The following COL25A1 variants were observed in gnomAD, a reference collection of about 807,000 sequenced individuals.
COL25A1 encodes the protein collagen alpha-1(XXV) chain.
Under a neutral mutation model 128.4 loss-of-function variants are expected in COL25A1, and 103 were observed. The observed-to-expected ratio is 0.80, with a 90% CI of 0.68 to 0.94. The LOEUF is 0.94. Among genes scored for constraint, COL25A1 ranks in the 40% least tolerant of loss-of-function variants. The probability of loss-of-function intolerance (pLI) is 0.00; values close to 1 mark genes in which losing one functional copy is unlikely to be tolerated. For missense variants in COL25A1, 745 were observed against 840.0 expected, an observed-to-expected ratio of 0.89 and a Z score of 1.40; for synonymous variants, 279 against 277.2, an observed-to-expected ratio of 1.01 and a Z score of -0.06.
intron 3 of COL25A1, among the ~76,000 whole-genome samples, chr4:109,154,767 G>A (rs1192811719): frequency 1.3e-5 from 2 of 152,210 alleles, no homozygotes; most frequent in South Asian, 2.1e-4. Context: ...TCCCATGCAT[G>A]TCAGCTGAAG....
chr4:108,941,283 A>T (rs1748056189), intron 9 of COL25A1, 83 bp downstream of exon 9: 1 of 1,112,738 alleles, frequency 9.0e-7, no homozygotes, highest in Non-Finnish European at 1.4e-6. Flanking sequence ...CCCACCCATA[A>T]GAGATAAATC....
At chr4:109,161,195 C>A (rs1183657604) in intron 3 of COL25A1, among the ~76,000 whole-genome samples, 2 of 152,072 alleles carry the variant, frequency 1.3e-5, no homozygotes, top group Non-Finnish European at 2.9e-5. Context: ...AAATTTTGCA[C>A]CCGGGAGATA....
chr4:109,227,480 A>T (rs956208149), intron 3 of COL25A1, among the ~76,000 whole-genome samples: 1 of 152,204 alleles, frequency 6.6e-6, no homozygotes, highest in South Asian at 2.1e-4. Context: ...CACTTGCTGC[A>T]CTTGTATTTG....
At chr4:109,093,457 G>GAA (rs564834752) in intron 3 of COL25A1, among the ~76,000 whole-genome samples, 40 of 69,408 alleles carry the variant, frequency 5.8e-4, no homozygotes, top group East Asian at 2.7e-3. Flanking sequence ...CCATCTCTAT[G>GAA]AAAAAAAAAA....
intron 3 of COL25A1, among the ~76,000 whole-genome samples, chr4:109,256,558 T>G (rs1781101811): frequency 6.6e-6 from 1 of 152,220 alleles, no homozygotes; most frequent in African/African-American, 2.4e-5. Flanking sequence ...AAACAAGTTT[T>G]AGTTCCATGT....
At chr4:109,192,316 G>C (rs1775685462) in intron 3 of COL25A1, among the ~76,000 whole-genome samples, 1 of 152,140 alleles carries the variant, frequency 6.6e-6, no homozygotes, top group South Asian at 2.1e-4. Context: ...AAGAAAAAAG[G>C]CAGAGAATTG....
At chr4:109,301,127 T>C (rs1214467759) in intron 2 of COL25A1, among the ~76,000 whole-genome samples, 1 of 152,008 alleles carries the variant, frequency 6.6e-6, no homozygotes, top group Admixed American at 6.6e-5. Flanking sequence ...ACACATAACA[T>C]AGATTCCTCT....
chr4:108,869,218 A>AAATC, intron 19 of COL25A1, 68 bp from the exon 20 acceptor site: 1 of 257,166 alleles, frequency 3.9e-6, no homozygotes, highest in Non-Finnish European at 5.3e-6. Flanking sequence ...ATAAATAAAT[A>AAATC]AATAAAAACT....
chr4:108,940,301 A>T (rs1747930966), intron 10 of COL25A1, among the ~76,000 whole-genome samples: 1 of 152,098 alleles, frequency 6.6e-6, no homozygotes, highest in African/African-American at 2.4e-5. Flanking sequence ...GTTTGCTTGG[A>T]TTCCCAGTGT....
chr4:109,152,368 G>A (rs888324171), intron 3 of COL25A1, among the ~76,000 whole-genome samples: 6 of 152,154 alleles, frequency 3.9e-5, no homozygotes, highest in Admixed American at 6.5e-5. Flanking sequence ...AGCAAAATTC[G>A]GAAATAGCAC....
intron 3 of COL25A1, among the ~76,000 whole-genome samples, chr4:109,081,995 G>A (rs895702912): frequency 2.0e-5 from 3 of 152,126 alleles, no homozygotes. Flanking sequence ...GTGAGCCACC[G>A]CGCGTAGCCC....
At chr4:108,853,131 A>AT (rs1479877626) in intron 24 of COL25A1, among the ~76,000 whole-genome samples, 2 of 152,150 alleles carry the variant, frequency 1.3e-5, no homozygotes, top group East Asian at 3.8e-4. Context: ...TTAGAATCCT[A>AT]TTTAAAAAAT....
At chr4:109,242,941 C>T (rs1217510268) in intron 3 of COL25A1, among the ~76,000 whole-genome samples, 2 of 152,036 alleles carry the variant, frequency 1.3e-5, no homozygotes, top group Non-Finnish European at 2.9e-5. Context: ...ACTCTTTTAG[C>T]AATTTCTAGT....
rs375238794 is a variant in COL25A1, at chr4:108,971,359, G to A, written c.492+3008C>T. On this transcript the variant is annotated intron_variant, in intron 8 of 37. Transcript: ENST00000399132. ...AGAACCTTGCTTTTATGGAATATAG[G>A]ACCTAAGGAGGGAGGGGGGCATACT... 3.1e-4 allele frequency among the ~76,000 whole-genome samples: 47 copies of A among 152,228 alleles called. No individual in the cohort carries two copies. In the South Asian group the frequency reaches 9.8e-3, roughly 32 times the overall value.
At chr4:108,886,474 G>T (rs997255295) in intron 18 of COL25A1, among the ~76,000 whole-genome samples, 15 of 122,660 alleles carry the variant, frequency 1.2e-4, no homozygotes, top group East Asian at 7.9e-4. Flanking sequence ...GTGTGTGTGT[G>T]TGTGTGTGTG....
rs563398873 is a variant in COL25A1 at position 108,992,269 on chromosome 4, C to T, written c.439-17710G>A. Reference sequence around the variant, plus strand: ...AGGCTTTGAAACTAACAATTTTATGCGAAAGAAATGGTCTTAGTGTTGAAG... The same window carrying T: ...AGGCTTTGAAACTAACAATTTTATGTGAAAGAAATGGTCTTAGTGTTGAAG... On this transcript the variant is annotated intron_variant, in intron 6 of 37. Transcript: ENST00000399132. 2.1e-4 allele frequency among the ~76,000 whole-genome samples: 32 copies of T among 152,170 alleles called. 1 individual carries two copies. The East Asian group carries it at 3.1e-3, about 15-fold the overall frequency.
At chr4:109,239,424 T>TATATATA (rs1560914982) in intron 3 of COL25A1, among the ~76,000 whole-genome samples, 11 of 107,206 alleles carry the variant, frequency 1.0e-4, no homozygotes, top group East Asian at 4.7e-4. Flanking sequence ...ATATATATAT[T>TATATATA]TATTTATTTA....
intron 3 of COL25A1, among the ~76,000 whole-genome samples, chr4:109,247,553 A>C (rs1305146759): frequency 6.6e-6 from 1 of 152,210 alleles, no homozygotes; most frequent in Non-Finnish European, 1.5e-5. Context: ...GCTTACGTAC[A>C]ATGCAAGGGC....
At chr4:108,947,800 C>T (rs1206470708) in intron 8 of COL25A1, among the ~76,000 whole-genome samples, 1 of 152,130 alleles carries the variant, frequency 6.6e-6, no homozygotes, top group Non-Finnish European at 1.5e-5. Flanking sequence ...CTGACAATGG[C>T]TGATCATTGA....
Sources: allele counts gnomAD v4.1 joint callset (sites outside exome capture counted in the v4.1 genomes callset), GRCh38; gene constraint gnomAD v4.1.1; transcripts MANE v1.5; gene names NCBI Gene and HGNC (gene_info 2026-07-23, HGNC 2026-07-21).